Variants in NOX4 observed in about 807,000 individuals in gnomAD.
The protein encoded by NOX4 is NADPH oxidase 4, also known as kidney oxidase-1.
In NOX4, 69 loss-of-function variants were observed where a neutral mutation model predicts 87.6. That is an observed-to-expected ratio of 0.79 (90% CI 0.65 to 0.96). NOX4 has a LOEUF of 0.96. Among genes scored for constraint, NOX4 ranks in the 40% least tolerant of loss-of-function variants. The pLI, the probability that NOX4 is intolerant of heterozygous loss-of-function variation, is 0.00. For synonymous variants in NOX4, 275 were observed against 238.2 expected, an observed-to-expected ratio of 1.15 and a Z score of -1.42; for missense variants, 680 against 681.5, an observed-to-expected ratio of 1.00 and a Z score of 0.02.
chr11:89,422,136 C>G (rs566489276), intron 7 of NOX4, among the ~76,000 whole-genome samples, 154 bp from the exon 8 acceptor site: 1 of 151,928 alleles, frequency 6.6e-6, no homozygotes, highest in African/African-American at 2.4e-5. Context: ...AGTATTAACA[C>G]AGTATATAGA....
the NOX4 span, among the ~76,000 whole-genome samples, chr11:89,513,561 CA>C: frequency 2.0e-5 from 3 of 151,704 alleles, no homozygotes; most frequent in Non-Finnish European, 4.4e-5. Flanking sequence ...TTGAGTCAAA[CA>C]AAAAAATAGC....
At chr11:89,518,490 G>A in the NOX4 span, among the ~76,000 whole-genome samples, 5 of 152,008 alleles carry the variant, frequency 3.3e-5, no homozygotes, top group African/African-American at 4.8e-5. Context: ...GGATTCTATC[G>A]TAGTAATTCC....
At chr11:89,511,460 C>T in the NOX4 span, among the ~76,000 whole-genome samples, 1 of 151,880 alleles carries the variant, frequency 6.6e-6, no homozygotes, top group African/African-American at 2.4e-5. Flanking sequence ...ATGAGATTAA[C>T]ATCTTTAGAT....
chr11:89,405,115 T>TGTGTGTGTGTGTGTGTGTGTGTGTG (rs58137988), intron 8 of NOX4, among the ~76,000 whole-genome samples: 4 of 149,906 alleles, frequency 2.7e-5, no homozygotes, highest in Non-Finnish European at 4.4e-5. Flanking sequence ...TGTGTGTGTG[T>TGTGTGTGTGTGTGTGTGTGTGTGTG]TGGAATGGGG....
chr11:89,541,553 T>C, the NOX4 span, among the ~76,000 whole-genome samples: 1 of 152,216 alleles, frequency 6.6e-6, no homozygotes, highest in Non-Finnish European at 1.5e-5. Flanking sequence ...AGAAGATATG[T>C]ATCTTCTGGT....
At chr11:89,574,048 C>T in the NOX4 span, among the ~76,000 whole-genome samples, 1 of 152,192 alleles carries the variant, frequency 6.6e-6, no homozygotes, top group Admixed American at 6.5e-5. Context: ...AATTTTAACA[C>T]TTTAATGTTA....
chr11:89,407,055 T>C (rs471707), intron 8 of NOX4, among the ~76,000 whole-genome samples: 1,638 of 152,210 alleles, frequency 0.011, 31 homozygotes, highest in African/African-American at 0.038. Flanking sequence ...CTTATGCATT[T>C]ATCCCTTATA....
chr11:89,570,872 C>T, the NOX4 span, among the ~76,000 whole-genome samples: 1 of 152,296 alleles, frequency 6.6e-6, no homozygotes, highest in Non-Finnish European at 1.5e-5. Flanking sequence ...TGGCTCAATA[C>T]TTTATCTTGT....
At chr11:89,553,496 G>A in the NOX4 span, among the ~76,000 whole-genome samples, 21 of 152,202 alleles carry the variant, frequency 1.4e-4, no homozygotes, top group African/African-American at 5.1e-4. Flanking sequence ...ATTCTTTATA[G>A]CAGTGTGAAA....
At chr11:89,467,914 T>C (rs2135434303) in intron 2 of NOX4, among the ~76,000 whole-genome samples, 1 of 152,354 alleles carries the variant, frequency 6.6e-6, no homozygotes, top group African/African-American at 2.4e-5. Context: ...AATCATCGCA[T>C]CAGTAAAATT....
Position 89,402,340 on chromosome 11 carries a change from C to A in NOX4, c.832G>T (p.Ala278Ser), listed in dbSNP as rs760291294. ...ATTAATCTGACCTGTGGAAAATTAG[C>A]TTGGAATCTGGGCTCTTCCATACAA... ...KICMEEPRFQ[A>S]NFPQTWLWIS... The change falls in exon 9 of 18, where the codon GCT (alanine) becomes TCT (serine). Residue 278 changes from alanine (A) to serine (S), a missense_variant. By Grantham distance (99) the Ala-to-Ser change is moderately conservative. Transcript: ENST00000263317. The A allele has an allele frequency of 6.2e-7, 1 of 1,612,878 alleles. No homozygotes were observed. The highest frequency in any genetic ancestry group is 1.1e-5 in the South Asian group (1 of 90,998).
chr11:89,411,181 T>A (rs1942460007), intron 8 of NOX4, among the ~76,000 whole-genome samples: 1 of 152,062 alleles, frequency 6.6e-6, no homozygotes, highest in Admixed American at 6.5e-5. Context: ...ATTAATCATC[T>A]TCTGACTAAA....
At chr11:89,365,750 C>G (rs1301431818) in intron 12 of NOX4, among the ~76,000 whole-genome samples, 1 of 84,974 alleles carries the variant, frequency 1.2e-5, no homozygotes, top group Admixed American at 1.4e-4. Flanking sequence ...AAGACCACGC[C>G]CACAAAAAAA....
the NOX4 span, among the ~76,000 whole-genome samples, chr11:89,538,864 C>A: frequency 7.1e-3 from 1,077 of 152,050 alleles, 16 homozygotes; most frequent in African/African-American, 0.024. Context: ...TATACTGACA[C>A]CCTAACTCCC....
At chr11:89,460,302 T>C (rs1945393847) in intron 2 of NOX4, among the ~76,000 whole-genome samples, 1 of 152,072 alleles carries the variant, frequency 6.6e-6, no homozygotes, top group Non-Finnish European at 1.5e-5. Flanking sequence ...AAAGCCACAA[T>C]TGACAAATGG....
intron 8 of NOX4, among the ~76,000 whole-genome samples, chr11:89,409,059 A>C (rs1942334060): frequency 6.6e-6 from 1 of 152,020 alleles, no homozygotes; most frequent in Non-Finnish European, 1.5e-5. Context: ...TCTGTACTTC[A>C]CGGGTATAAA....
the NOX4 span, among the ~76,000 whole-genome samples, chr11:89,564,599 C>T: frequency 6.6e-6 from 1 of 152,024 alleles, no homozygotes; most frequent in Admixed American, 6.5e-5. Flanking sequence ...AACTGGGTAG[C>T]CTTTTCATAA....
intron 4 of NOX4, among the ~76,000 whole-genome samples, chr11:89,445,662 C>T (rs933785420): frequency 3.9e-5 from 6 of 152,096 alleles, no homozygotes; most frequent in African/African-American, 1.4e-4. Flanking sequence ...GAAGCATTCA[C>T]ATTTAAATAA....
the NOX4 span, among the ~76,000 whole-genome samples, chr11:89,533,203 C>T: frequency 1.3e-5 from 2 of 152,124 alleles, no homozygotes; most frequent in Non-Finnish European, 2.9e-5. Flanking sequence ...ATTTTATTTG[C>T]TACAATTTTG....
Sources: allele counts gnomAD v4.1 joint callset (sites outside exome capture counted in the v4.1 genomes callset), GRCh38; gene constraint gnomAD v4.1.1; transcripts MANE v1.5; gene names NCBI Gene and HGNC (gene_info 2026-07-23, HGNC 2026-07-21).